IGSF11: variants seen among roughly 807,000 people sequenced by gnomAD.
The protein encoded by IGSF11 is CXADR like 1.
Under a neutral mutation model 41.0 loss-of-function variants are expected in IGSF11, and 22 were observed. That is an observed-to-expected ratio of 0.54 (90% confidence interval 0.38 to 0.77). IGSF11 has a LOEUF of 0.77. IGSF11 is among the 30% of genes least tolerant of loss of function. The pLI is 0.00. For synonymous variants in IGSF11, 219 were observed against 201.3 expected (o/e 1.09, Z -0.74); for missense variants, 444 against 530.8 (o/e 0.84, Z 1.61).
upstream of IGSF11, among the ~76,000 whole-genome samples, chr3:119,037,420 G>A (rs977344094): frequency 6.6e-6 from 1 of 152,096 alleles, no homozygotes; most frequent in Admixed American, 6.5e-5. Flanking sequence ...GCCTCCTAAA[G>A]ATTTATCCCA....
At chr3:118,920,705 A>G (rs1941689512) in intron 4 of IGSF11, among the ~76,000 whole-genome samples, 2 of 152,318 alleles carry the variant, frequency 1.3e-5, no homozygotes, top group South Asian at 2.1e-4. Flanking sequence ...AAATTGGCAT[A>G]ATTATAAGAA....
intron 1 of IGSF11, among the ~76,000 whole-genome samples, chr3:118,983,849 T>G (rs1240570533): frequency 1.3e-5 from 2 of 152,238 alleles, no homozygotes; most frequent in Non-Finnish European, 2.9e-5. Context: ...ATAATTATTT[T>G]TATTTTTTTC....
At chr3:119,145,556 A>C (rs1363327326) in intron 1 of IGSF11, among the ~76,000 whole-genome samples, 2 of 152,042 alleles carry the variant, frequency 1.3e-5, no homozygotes, top group African/African-American at 4.8e-5. Flanking sequence ...CTGTAAGACC[A>C]CTAGATGGTG....
At chr3:119,056,682 T>G (rs894775036) in intron 1 of IGSF11, among the ~76,000 whole-genome samples, 1 of 152,216 alleles carries the variant, frequency 6.6e-6, no homozygotes, top group Non-Finnish European at 1.5e-5. Flanking sequence ...CAGAGAATTT[T>G]AGACCAATGT....
At chr3:118,968,127 G>T (rs900058860) in intron 1 of IGSF11, among the ~76,000 whole-genome samples, 49 of 152,320 alleles carry the variant, frequency 3.2e-4, no homozygotes, top group Admixed American at 1.0e-3. Context: ...ATTTTTATAT[G>T]TGAAAAATAA....
upstream of IGSF11, among the ~76,000 whole-genome samples, chr3:119,105,475 G>C (rs1189030403): frequency 6.6e-6 from 1 of 152,130 alleles, no homozygotes; most frequent in Non-Finnish European, 1.5e-5. Context: ...CAGGGTAATA[G>C]AATGGATACT....
At chr3:119,144,793 A>T (rs547764803) in intron 1 of IGSF11, among the ~76,000 whole-genome samples, 3 of 152,352 alleles carry the variant, frequency 2.0e-5, no homozygotes, top group South Asian at 4.1e-4. Context: ...AAGGATAAAC[A>T]TCAAAATGTC....
chr3:119,062,584 G>T (rs891800642), intron 1 of IGSF11, among the ~76,000 whole-genome samples: 1 of 152,138 alleles, frequency 6.6e-6, no homozygotes, highest in African/African-American at 2.4e-5. Context: ...GTAATAAATT[G>T]CCTAGCAAGA....
upstream of IGSF11, among the ~76,000 whole-genome samples, chr3:119,036,249 A>C (rs1940895749): frequency 6.6e-6 from 1 of 152,230 alleles, no homozygotes; most frequent in Non-Finnish European, 1.5e-5. Context: ...GGCAAGAAAT[A>C]AATGATATGA....
At chr3:119,060,665 C>T (rs973300032) in intron 1 of IGSF11, among the ~76,000 whole-genome samples, 1 of 152,122 alleles carries the variant, frequency 6.6e-6, no homozygotes, top group Non-Finnish European at 1.5e-5. Flanking sequence ...GATGATACAG[C>T]TCATCAATAG....
At chr3:118,945,966 C>T (rs1427928315) in intron 1 of IGSF11, 7 of 152,116 alleles carry the variant, frequency 4.6e-5, no homozygotes, top group South Asian at 2.1e-4. Context: ...ACCATCTTCC[C>T]GTCAGCAACA....
At chr3:118,990,523 G>A (rs1488652835) in intron 1 of IGSF11, among the ~76,000 whole-genome samples, 1 of 152,054 alleles carries the variant, frequency 6.6e-6, no homozygotes, top group Non-Finnish European at 1.5e-5. Flanking sequence ...AGATAGACCT[G>A]GGAATGAAAT....
chr3:119,083,126 C>T (rs372823567), intron 1 of IGSF11, among the ~76,000 whole-genome samples: 19 of 129,078 alleles, frequency 1.5e-4, no homozygotes, highest in South Asian at 4.9e-4. Flanking sequence ...TTTCTTTTTT[C>T]TTTTTTTTTT....
intron 1 of IGSF11, among the ~76,000 whole-genome samples, chr3:119,083,557 G>C (rs113732335): frequency 3.4e-5 from 5 of 147,902 alleles, no homozygotes; most frequent in African/African-American, 1.2e-4. Flanking sequence ...CACACACATA[G>C]AGTCATGTAC....
At chr3:119,057,171 G>A (rs959137125) in intron 1 of IGSF11, among the ~76,000 whole-genome samples, 3 of 152,140 alleles carry the variant, frequency 2.0e-5, no homozygotes, top group Non-Finnish European at 2.9e-5. Flanking sequence ...TAGGAAAAGA[G>A]GAAGTCAAAT....
At chr3:118,970,603 T>G (rs1300119859) in intron 1 of IGSF11, among the ~76,000 whole-genome samples, 2 of 152,210 alleles carry the variant, frequency 1.3e-5, no homozygotes, top group East Asian at 3.8e-4. Flanking sequence ...TTGAATTATA[T>G]TCACATACTT....
intron 1 of IGSF11, among the ~76,000 whole-genome samples, chr3:119,075,699 T>A (rs2076482842): frequency 6.6e-6 from 1 of 152,170 alleles, no homozygotes; most frequent in Non-Finnish European, 1.5e-5. Context: ...ATGTGATTCA[T>A]CACATAAACA....
chr3:118,987,104 C>T (rs1935332092), intron 1 of IGSF11, among the ~76,000 whole-genome samples: 1 of 152,212 alleles, frequency 6.6e-6, no homozygotes, highest in Non-Finnish European at 1.5e-5. Flanking sequence ...TTAAATCCAT[C>T]ACCATCCTTA....
chr3:118,931,589 G>A (rs975360895), intron 1 of IGSF11, among the ~76,000 whole-genome samples: 1 of 152,110 alleles, frequency 6.6e-6, no homozygotes, highest in Non-Finnish European at 1.5e-5. Context: ...GTCTAGAAAA[G>A]GCAAATCTAT....
Sources: allele counts gnomAD v4.1 joint callset (sites outside exome capture counted in the v4.1 genomes callset), GRCh38; gene constraint gnomAD v4.1.1; transcripts MANE v1.5; gene names NCBI Gene and HGNC (gene_info 2026-07-23, HGNC 2026-07-21).